DNAH8: variants seen among roughly 807,000 people sequenced by gnomAD.
DNAH8 encodes axonemal beta dynein heavy chain 8.
A neutral mutation model predicts 562.1 loss-of-function variants in DNAH8; 382 were observed. The observed-to-expected ratio is 0.68, with a 90% CI of 0.63 to 0.74. DNAH8 has a LOEUF of 0.74. DNAH8 is among the 30% of genes least tolerant of loss of function. The pLI, the probability that DNAH8 is intolerant of heterozygous loss-of-function variation, is 0.00. For synonymous variants in DNAH8, 1,881 were observed against 1,919.4 expected (o/e 0.98, Z 0.52); for missense variants, 5,203 against 5,620.4 (o/e 0.93, Z 2.37).
Position 38,731,750 on chromosome 6 carries a change from T to A in DNAH8, c.610+1764T>A, listed in dbSNP as rs576482857. ...TTTTTGTTGAAGCAGAGTCTCACTCTGTCACCCAGGCTGGAGTGCAATGGT... is the reference window on the plus strand; with the variant it reads ...TTTTTGTTGAAGCAGAGTCTCACTCAGTCACCCAGGCTGGAGTGCAATGGT... On this transcript the variant is annotated intron_variant, in intron 4 of 92. Coordinates refer to ENST00000327475, the MANE Select transcript of DNAH8 (RefSeq NM_001206927.2). Among the ~76,000 whole-genome samples, 30 of 152,378 alleles carry A rather than the reference T, an allele frequency of 2.0e-4. No homozygotes were observed. The South Asian group carries it at 5.0e-3, about 25-fold the overall frequency.
chr6:38,804,385 CT>C (rs1176981887), intron 22 of DNAH8, among the ~76,000 whole-genome samples: 1 of 152,200 alleles, frequency 6.6e-6, no homozygotes, highest in Non-Finnish European at 1.5e-5. Context: ...TGTTTTCAAG[CT>C]CTAAATAAGA....
At chr6:38,777,631 C>T (rs1420950484) in intron 13 of DNAH8, among the ~76,000 whole-genome samples, 1 of 152,080 alleles carries the variant, frequency 6.6e-6, no homozygotes, top group African/African-American at 2.4e-5. Flanking sequence ...CGGGTTCTTG[C>T]TATGTTGCCC....
At chr6:39,002,920 T>A (rs1765580007) in intron 88 of DNAH8, among the ~76,000 whole-genome samples, 1 of 152,232 alleles carries the variant, frequency 6.6e-6, no homozygotes, top group Non-Finnish European at 1.5e-5. Context: ...TATCATGGCA[T>A]GACTTTTGGA....
chr6:38,774,045 A>G (rs1767830695), intron 12 of DNAH8, among the ~76,000 whole-genome samples: 1 of 152,190 alleles, frequency 6.6e-6, no homozygotes, highest in Non-Finnish European at 1.5e-5. Flanking sequence ...CCTGAAACAC[A>G]TCTTTTTATG....
chr6:38,972,696 A>G (rs930282550), intron 83 of DNAH8, among the ~76,000 whole-genome samples: 3 of 152,192 alleles, frequency 2.0e-5, no homozygotes, highest in East Asian at 1.9e-4. Context: ...ATTATATGGC[A>G]TAATCAGAAA....
chr6:39,003,971 T>C (rs1765642387), intron 88 of DNAH8, among the ~76,000 whole-genome samples: 1 of 152,226 alleles, frequency 6.6e-6, no homozygotes. Context: ...AATAAGACTT[T>C]TCCCATTTCA....
At chr6:39,008,290 G>T in intron 88 of DNAH8, among the ~76,000 whole-genome samples, 1 of 152,052 alleles carries the variant, frequency 6.6e-6, no homozygotes, top group East Asian at 1.9e-4. Context: ...AGGTGGAGCC[G>T]ATGGGCGTCA....
Position 39,030,442 on chromosome 6 carries a change from C to G in DNAH8, c.*50C>G, listed in dbSNP as rs376959449. 6.7e-7 allele frequency: 1 copy of G among 1,499,266 alleles called. No homozygotes were observed. Among genetic ancestry groups the G allele is most frequent in the African/African-American group, 1.4e-5 (1 of 72,812 alleles). The allele number at this position is 1,499,266 out of a possible 1,614,324, so 92.9% of individuals were successfully genotyped here. ...CCAGAACCCACATAGACAGCCTGTGCTATTGAGGGACTCAGTGATGTGTGT... is the reference window on the plus strand; with the variant it reads ...CCAGAACCCACATAGACAGCCTGTGGTATTGAGGGACTCAGTGATGTGTGT... On this transcript the variant is annotated 3_prime_UTR_variant, in exon 93 of 93. Transcript: ENST00000327475.
At chr6:38,754,894 A>C (rs549423781) in intron 9 of DNAH8, among the ~76,000 whole-genome samples, 1 of 152,090 alleles carries the variant, frequency 6.6e-6, no homozygotes, top group Non-Finnish European at 1.5e-5. Context: ...GTGACTTGAT[A>C]CTACCTTAAA....
intron 91 of DNAH8, among the ~76,000 whole-genome samples, chr6:39,014,903 C>G (rs1766465389): frequency 6.6e-6 from 1 of 152,110 alleles, no homozygotes; most frequent in Admixed American, 6.5e-5. Flanking sequence ...AGGCCCAGTG[C>G]AATGAGACTC....
At chr6:38,885,192 C>T (rs1778828885) in intron 56 of DNAH8, among the ~76,000 whole-genome samples, 1 of 152,196 alleles carries the variant, frequency 6.6e-6, no homozygotes, top group South Asian at 2.1e-4. Flanking sequence ...TCCGAACTCA[C>T]GTATCCAACT....
At chr6:38,734,341 A>AC (rs1763912743) in intron 4 of DNAH8, 133 bp from the exon 5 acceptor site, 1 of 791,780 alleles carries the variant, frequency 1.3e-6, no homozygotes, top group Admixed American at 4.1e-5. Flanking sequence ...CCCCCAAAAA[A>AC]ATTATTCTAT....
At chr6:38,835,707 T>G (rs1774223004) in intron 32 of DNAH8, among the ~76,000 whole-genome samples, 1 of 151,840 alleles carries the variant, frequency 6.6e-6, no homozygotes, top group East Asian at 1.9e-4. Context: ...CGTGTACCTT[T>G]GGGATGCGGT....
chr6:38,964,383 G>A (rs1762833862), intron 82 of DNAH8, among the ~76,000 whole-genome samples: 1 of 94,782 alleles, frequency 1.1e-5, no homozygotes, highest in Non-Finnish European at 2.1e-5. Flanking sequence ...CCTCCCGGAC[G>A]GGGCGGCTGG....
intron 16 of DNAH8, among the ~76,000 whole-genome samples, chr6:38,782,678 G>C (rs1422347483): frequency 1.3e-5 from 2 of 152,222 alleles, no homozygotes; most frequent in Non-Finnish European, 2.9e-5. Flanking sequence ...AGGAACATCA[G>C]TCAATTATAT....
intron 14 of DNAH8, 100 bp downstream of exon 14, chr6:38,778,564 TA>T: frequency 1.4e-6 from 1 of 711,148 alleles, no homozygotes; most frequent in Non-Finnish European, 2.4e-6. Flanking sequence ...CTGTCCTACA[TA>T]AACCTTAAAA....
intron 19 of DNAH8, 27 bp from the exon 20 acceptor site, chr6:38,790,262 A>G (rs1200205181): frequency 8.4e-7 from 1 of 1,186,494 alleles, no homozygotes; most frequent in African/African-American, 1.5e-5. Flanking sequence ...TTGATAATAG[A>G]AGCAGTTGTG....
At chr6:38,788,255 G>A (rs895963239) in intron 18 of DNAH8, among the ~76,000 whole-genome samples, 14 of 151,912 alleles carry the variant, frequency 9.2e-5, no homozygotes, top group African/African-American at 3.1e-4. Context: ...GGGTTCAAGC[G>A]ATTCTCCTGC....
At chr6:38,813,280 C>T (rs1771961163) in intron 24 of DNAH8, among the ~76,000 whole-genome samples, 2 of 152,114 alleles carry the variant, frequency 1.3e-5, no homozygotes, top group African/African-American at 2.4e-5. Context: ...GTTTTGTTTG[C>T]TTGCTTTCTT....
Sources: gnomAD v4.1 joint callset for allele counts (sites outside exome capture counted in the v4.1 genomes callset) on GRCh38, gnomAD v4.1.1 for gene constraint, MANE v1.5 for transcripts, NCBI Gene and HGNC (gene_info 2026-07-23, HGNC 2026-07-21) for gene names.